Variants in INSC observed in about 807,000 individuals in gnomAD.
INSC encodes protein inscuteable homolog.
In INSC, 67 loss-of-function variants were observed where a neutral mutation model predicts 58.6. The ratio of observed to expected loss-of-function variants is 1.14; its 90% confidence interval spans 0.94 to 1.40. The LOEUF is 1.40. Among genes scored for constraint, INSC ranks in the 40% most tolerant of loss-of-function variants. The pLI, the probability that INSC is intolerant of heterozygous loss-of-function variation, is 0.00. For synonymous variants in INSC, 262 were observed against 276.1 expected (o/e 0.95, Z 0.51); for missense variants, 714 against 692.0 (o/e 1.03, Z -0.36).
intron 6 of INSC, among the ~76,000 whole-genome samples, chr11:15,199,998 G>T (rs1027067906): frequency 6.6e-6 from 1 of 152,108 alleles, no homozygotes; most frequent in Non-Finnish European, 1.5e-5. Flanking sequence ...TGACTAGTTA[G>T]CAGGGCACCT....
chr11:15,261,964 A>G, the INSC span, among the ~76,000 whole-genome samples: 2 of 152,092 alleles, frequency 1.3e-5, no homozygotes, highest in East Asian at 3.9e-4. Flanking sequence ...GCCTAGTGGG[A>G]ACAGTGGAAC....
intron 6 of INSC, among the ~76,000 whole-genome samples, chr11:15,199,794 C>G (rs1850508711): frequency 6.6e-6 from 1 of 152,154 alleles, no homozygotes; most frequent in African/African-American, 2.4e-5. Flanking sequence ...AGGCACCCTG[C>G]CAGCTTTCAG....
Position 15,246,588 on chromosome 11 carries a change from C to T in INSC, c.*548C>T, listed in dbSNP as rs2133991515. 6.5e-6 allele frequency: 1 copy of T among 152,710 alleles called. No homozygotes were observed. The highest frequency in any genetic ancestry group is 2.4e-5 in the African/African-American group (1 of 41,488). The allele number at this position is 152,710 out of a possible 1,614,324, so 9.5% of individuals were successfully genotyped here. On this transcript the variant is annotated 3_prime_UTR_variant, in exon 13 of 13. Coordinates refer to ENST00000379556, the MANE Select transcript of INSC (RefSeq NM_001042536.3). Reference sequence around the variant, plus strand: ...GTTCTTGCTTCCCAGGTTTCATTCCCCAAAAACTTTTCCAACCATTAAAAG... The same window carrying T: ...GTTCTTGCTTCCCAGGTTTCATTCCTCAAAAACTTTTCCAACCATTAAAAG...
intron 5 of INSC, among the ~76,000 whole-genome samples, chr11:15,180,684 A>AGGGG (rs375510258): frequency 2.5e-5 from 1 of 39,946 alleles, no homozygotes; most frequent in African/African-American, 1.1e-4. Context: ...GGTAGGAGTG[A>AGGGG]GGGGGGGGGC....
intron 7 of INSC, among the ~76,000 whole-genome samples, chr11:15,219,522 G>A (rs1851356701): frequency 6.6e-6 from 1 of 152,094 alleles, no homozygotes; most frequent in Non-Finnish European, 1.5e-5. Flanking sequence ...CTGGACTAGG[G>A]AGCAGGCCTG....
At chr11:15,113,133 C>CTTTA (rs762409744), upstream of INSC, among the ~76,000 whole-genome samples, 1 of 125,252 alleles carries the variant, frequency 8.0e-6, no homozygotes, top group Non-Finnish European at 1.7e-5. Context: ...TTCTTTCTTT[C>CTTTA]TTTCTTTCTT....
chr11:15,232,718 C>A (rs1173248443), intron 9 of INSC, among the ~76,000 whole-genome samples: 1 of 152,128 alleles, frequency 6.6e-6, no homozygotes. Flanking sequence ...CCAGGTGAAT[C>A]CAGTGTCATC....
At chr11:15,212,626 T>C (rs1248848711) in intron 7 of INSC, among the ~76,000 whole-genome samples, 2 of 152,236 alleles carry the variant, frequency 1.3e-5, no homozygotes, top group Non-Finnish European at 2.9e-5. Context: ...CAAATGTAAA[T>C]GGTGTTTTTT....
chr11:15,188,086 C>T, intron 5 of INSC: 1 of 676,680 alleles, frequency 1.5e-6, no homozygotes. Context: ...AGTCCCCTGT[C>T]CCACAGTCAT....
chr11:15,199,757 C>T (rs73426534), intron 6 of INSC, among the ~76,000 whole-genome samples: 2,561 of 152,262 alleles, frequency 0.017, 74 homozygotes, highest in African/African-American at 0.058. Flanking sequence ...ATCAGTTGCT[C>T]ATGCATTCTT....
rs373811986 is a variant in INSC, at chr11:15,177,187, C to G, written c.455+24C>G. On this transcript the variant is annotated intron_variant, in intron 4 of 12. Transcript: ENST00000379556. ...AGGTAAATTTGGACCATAGATCTCC[C>G]AGGGTCTGCCCACCCGACCTCTGGC... 5.0e-6 allele frequency: 8 copies of G among 1,607,356 alleles called. No homozygotes were observed. The Middle Eastern group carries it at 5.0e-4, about 100-fold the overall frequency.
At chr11:15,160,727 G>A (rs1848988298) in intron 2 of INSC, among the ~76,000 whole-genome samples, 1 of 152,234 alleles carries the variant, frequency 6.6e-6, no homozygotes, top group Non-Finnish European at 1.5e-5. Flanking sequence ...GCAGCTGTCA[G>A]ATGTACACAT....
At chr11:15,156,511 T>G (rs555057463) in intron 2 of INSC, among the ~76,000 whole-genome samples, 13 of 152,334 alleles carry the variant, frequency 8.5e-5, no homozygotes, top group African/African-American at 3.1e-4. Context: ...CAAATCTCAG[T>G]TCTGGGAATC....
intron 1 of INSC, among the ~76,000 whole-genome samples, chr11:15,143,021 T>A (rs909673673): frequency 2.6e-5 from 4 of 152,240 alleles, no homozygotes; most frequent in South Asian, 2.1e-4. Flanking sequence ...CTCCAGTTTA[T>A]CTGTGAGGAA....
the INSC span, among the ~76,000 whole-genome samples, chr11:15,256,877 C>T: frequency 3.8e-3 from 581 of 152,268 alleles, 3 homozygotes; most frequent in African/African-American, 0.013. Context: ...GTAAAGGTGG[C>T]GGGGTGGACA....
At chr11:15,139,646 A>G (rs1256031279) in intron 1 of INSC, among the ~76,000 whole-genome samples, 1 of 152,162 alleles carries the variant, frequency 6.6e-6, no homozygotes, top group African/African-American at 2.4e-5. Context: ...TAGCATTCTT[A>G]TTTTATCCTT....
In INSC at chr11:15,238,904, T is replaced by C. The variant is rs1852232001; in HGVS notation, c.1238-15T>C. ...TGCTGGGGTAGGTACCAACTGTTCC[T>C]TGCTTCCTGCCTAGGGGTCCAGCTT... On this transcript the variant is annotated splice_polypyrimidine_tract_variant and intron_variant, in intron 10 of 12. Coordinates refer to ENST00000379556, the MANE Select transcript of INSC (RefSeq NM_001042536.3). 1 of 1,611,676 alleles carries C rather than the reference T, an allele frequency of 6.2e-7. No individual in the cohort carries two copies. The highest frequency in any genetic ancestry group is 1.1e-5 in the South Asian group (1 of 90,720).
upstream of INSC, chr11:15,112,568 A>G (rs1268810879): frequency 5.7e-6 from 8 of 1,398,592 alleles, no homozygotes; most frequent in Non-Finnish European, 7.6e-6. Context: ...GCTGTGCCGT[A>G]TGTATCTGGG....
At position 15,225,696 on chromosome 11, in the gene INSC, T is replaced by C. The variant is rs1851606604; in HGVS notation, c.1038T>C (p.Ser346=). The C allele has an allele frequency of 6.2e-7, 1 of 1,614,080 alleles. No individual in the cohort carries two copies. Among genetic ancestry groups the C allele is most frequent in the Non-Finnish European group, 8.5e-7 (1 of 1,180,032 alleles). Reference sequence around the variant, plus strand: ...CAGGGGAAGTCTTCCTACTGGCCTCTGCGGCCCTTGCCAACATCACGTTCT... The same window carrying C: ...CAGGGGAAGTCTTCCTACTGGCCTCCGCGGCCCTTGCCAACATCACGTTCT... ...ASSGEVFLLA[S]AALANITFFD... Residue 346 remains serine, a synonymous_variant, in exon 9 of 13, where the codon TCT becomes TCC. Transcript: ENST00000379556.
Sources: gnomAD v4.1 joint callset for allele counts (sites outside exome capture counted in the v4.1 genomes callset) on GRCh38, gnomAD v4.1.1 for gene constraint, MANE v1.5 for transcripts, NCBI Gene and HGNC (gene_info 2026-07-23, HGNC 2026-07-21) for gene names.